The following TSHZ2 variants were observed in gnomAD, a reference collection of about 807,000 sequenced individuals.
TSHZ2 encodes teashirt homolog 2.
TSHZ2 carries 21 observed loss-of-function variants against 74.4 expected under a neutral mutation model. That is an observed-to-expected ratio of 0.28 (90% CI 0.20 to 0.41). TSHZ2 has a LOEUF of 0.41. TSHZ2 is among the 10% of genes least tolerant of loss of function. TSHZ2 has a pLI of 1.00. For synonymous variants in TSHZ2, 540 were observed against 515.3 expected, an observed-to-expected ratio of 1.05 and a Z score of -0.65; for missense variants, 1,244 against 1,293.5, an observed-to-expected ratio of 0.96 and a Z score of 0.59.
At chr20:53,097,419 T>A (rs1479862028) in intron 1 of TSHZ2, among the ~76,000 whole-genome samples, 1 of 152,172 alleles carries the variant, frequency 6.6e-6, no homozygotes, top group Non-Finnish European at 1.5e-5. Context: ...GATGCAGAGA[T>A]GGGGAAAGCA....
intron 1 of TSHZ2, among the ~76,000 whole-genome samples, chr20:53,056,971 G>A (rs1289939290): frequency 5.3e-5 from 8 of 152,140 alleles, no homozygotes; most frequent in Non-Finnish European, 8.8e-5. Flanking sequence ...TAATTCCCGC[G>A]TGTCGTGGGA....
rs1988489509 is a variant in TSHZ2 at position 53,182,169 on chromosome 20, TCTTTCTTC to T, written c.41-71326_41-71319del. ...CCTCCCTCCCTCTCTTCCTTTTCTT[TCTTTCTTC>T]CTTCCTTTTCTTTCTTTCTTCTTCT... is the stretch of plus-strand genomic sequence containing the variant. On this transcript the variant is annotated intron_variant, in intron 1 of 2. Transcript: ENST00000371497. Among the ~76,000 whole-genome samples, 7 of 136,012 alleles carry T rather than the reference TCTTTCTTC, an allele frequency of 5.1e-5. No individual in the cohort carries two copies. The South Asian group carries it at 1.4e-3, about 27-fold the overall frequency. The allele number at this position is 136,012 out of a possible 152,430, so 89.2% of individuals were successfully genotyped here.
chr20:53,479,217 A>T (rs796248103), intron 2 of TSHZ2, among the ~76,000 whole-genome samples: 56 of 152,140 alleles, frequency 3.7e-4, no homozygotes, highest in African/African-American at 1.3e-3. Flanking sequence ...AAAATGCACC[A>T]GAACAGGGCT....
At chr20:53,012,129 G>T (rs558819102) in intron 1 of TSHZ2, among the ~76,000 whole-genome samples, 1 of 152,268 alleles carries the variant, frequency 6.6e-6, no homozygotes, top group South Asian at 2.1e-4. Context: ...ATACTTCAAT[G>T]TACAATATTT....
In TSHZ2 at chr20:53,419,666, G is replaced by A. The variant is rs139797155; in HGVS notation, c.*9-67478G>A. On this transcript the variant is annotated intron_variant, in intron 2 of 2. Coordinates refer to ENST00000371497, the MANE Select transcript of TSHZ2 (RefSeq NM_173485.6). ...CTTAACCACAGGCCCCTTCCACAGC[G>A]GGCAGTCAATAACAAATAGTCTTCA... 2.4e-3 allele frequency among the ~76,000 whole-genome samples: 368 copies of A among 152,292 alleles called. 2 individuals are homozygous for A. Among genetic ancestry groups the A allele is most frequent in the African/African-American group, 8.3e-3 (346 of 41,562 alleles).
intron 1 of TSHZ2, among the ~76,000 whole-genome samples, chr20:53,243,723 G>T (rs1435772495): frequency 6.6e-6 from 1 of 152,118 alleles, no homozygotes; most frequent in East Asian, 1.9e-4. Flanking sequence ...TCTAGAGACA[G>T]CAAAGACTTT....
intron 1 of TSHZ2, among the ~76,000 whole-genome samples, chr20:53,066,285 G>A (rs533891769): frequency 8.4e-4 from 128 of 152,232 alleles, no homozygotes; most frequent in African/African-American, 3.0e-3. Context: ...AGGAGGCCCT[G>A]CAAGTAGCAA....
intron 2 of TSHZ2, among the ~76,000 whole-genome samples, chr20:53,331,699 A>C (rs1305588659): frequency 3.3e-5 from 5 of 151,128 alleles, no homozygotes; most frequent in African/African-American, 1.2e-4. Context: ...CATTAGTCAG[A>C]GTCCCCTAAG....
At chr20:53,175,361 C>CT (rs1354391814) in intron 1 of TSHZ2, among the ~76,000 whole-genome samples, 1 of 151,952 alleles carries the variant, frequency 6.6e-6, no homozygotes, top group Non-Finnish European at 1.5e-5. Context: ...AGGCTGGTCT[C>CT]TAACTCCTGA....
chr20:53,216,498 G>C (rs186956339), intron 1 of TSHZ2, among the ~76,000 whole-genome samples: 64 of 152,326 alleles, frequency 4.2e-4, no homozygotes, highest in Non-Finnish European at 8.4e-4. Flanking sequence ...TTTTATGCCA[G>C]GCAAAATCAG....
At chr20:53,212,633 T>C (rs1371081972) in intron 1 of TSHZ2, among the ~76,000 whole-genome samples, 4 of 152,158 alleles carry the variant, frequency 2.6e-5, no homozygotes, top group African/African-American at 4.8e-5. Context: ...AGGGACTTCA[T>C]TGGGTCTTCT....
chr20:53,211,284 T>A (rs991213413), intron 1 of TSHZ2, among the ~76,000 whole-genome samples: 2 of 152,176 alleles, frequency 1.3e-5, no homozygotes, highest in South Asian at 2.1e-4. Context: ...AAACCTCCGA[T>A]GAAAGATAAA....
chr20:53,386,282 C>A (rs955652193), intron 2 of TSHZ2, among the ~76,000 whole-genome samples: 1 of 152,214 alleles, frequency 6.6e-6, no homozygotes, highest in Non-Finnish European at 1.5e-5. Context: ...TTGCAACCGG[C>A]TTCCTGGGGG....
intron 1 of TSHZ2, among the ~76,000 whole-genome samples, chr20:53,122,150 T>C (rs1023280296): frequency 1.3e-5 from 2 of 151,712 alleles, no homozygotes; most frequent in Non-Finnish European, 2.9e-5. Flanking sequence ...TAGCCAGGTG[T>C]GATGGCATGC....
At chr20:53,335,619 A>G (rs1979914750) in intron 2 of TSHZ2, among the ~76,000 whole-genome samples, 1 of 152,214 alleles carries the variant, frequency 6.6e-6, no homozygotes, top group East Asian at 1.9e-4. Context: ...ATTCGTTTGC[A>G]AGTGTGACAA....
At chr20:53,334,624 C>G (rs893738746) in intron 2 of TSHZ2, among the ~76,000 whole-genome samples, 3 of 151,986 alleles carry the variant, frequency 2.0e-5, no homozygotes, top group African/African-American at 4.8e-5. Context: ...GTATAAAGAA[C>G]TTGCCTTCTA....
At chr20:53,259,690 C>T (rs758869076) in intron 2 of TSHZ2, among the ~76,000 whole-genome samples, 9 of 152,168 alleles carry the variant, frequency 5.9e-5, no homozygotes, top group Non-Finnish European at 1.2e-4. Context: ...GGGTGAAAAG[C>T]GCGTAAGGTT....
At chr20:53,023,851 A>G (rs965278244) in intron 1 of TSHZ2, among the ~76,000 whole-genome samples, 3 of 152,228 alleles carry the variant, frequency 2.0e-5, no homozygotes, top group African/African-American at 7.2e-5. Context: ...ACTGAAACGC[A>G]GCACACCAGT....
intron 2 of TSHZ2, among the ~76,000 whole-genome samples, chr20:53,334,705 T>G (rs914824010): frequency 6.6e-6 from 1 of 151,988 alleles, no homozygotes; most frequent in African/African-American, 2.4e-5. Flanking sequence ...TAAAAAAAAT[T>G]TTTTTTTGAG....
Sources: allele counts gnomAD v4.1 joint callset (sites outside exome capture counted in the v4.1 genomes callset), GRCh38; gene constraint gnomAD v4.1.1; transcripts MANE v1.5; gene names NCBI Gene and HGNC (gene_info 2026-07-23, HGNC 2026-07-21).